FHIT: variants seen among roughly 807,000 people sequenced by gnomAD.
FHIT encodes the protein bis(5'-adenosyl)-triphosphatase.
Under a neutral mutation model 17.9 loss-of-function variants are expected in FHIT, and 19 were observed. That is an observed-to-expected ratio of 1.06 (90% confidence interval 0.74 to 1.56). FHIT has a LOEUF of 1.56. Ranked by LOEUF, FHIT falls within the 40% of genes most tolerant of loss-of-function variation. The pLI is 0.00. For synonymous variants in FHIT, 81 were observed against 69.7 expected, an observed-to-expected ratio of 1.16 and a Z score of -0.81; for missense variants, 248 against 189.2, an observed-to-expected ratio of 1.31 and a Z score of -1.82.
At chr3:61,181,256 C>T (rs115972963) in intron 2 of FHIT, among the ~76,000 whole-genome samples, 1 of 152,134 alleles carries the variant, frequency 6.6e-6, no homozygotes, top group African/African-American at 2.4e-5. Context: ...TTATATTTTT[C>T]CTGTCTCTTG....
chr3:60,770,536 T>C (rs1700009999), intron 4 of FHIT, among the ~76,000 whole-genome samples: 1 of 152,138 alleles, frequency 6.6e-6, no homozygotes, highest in Non-Finnish European at 1.5e-5. Context: ...ACAGGCTATG[T>C]GTGGACATTC....
intron 5 of FHIT, among the ~76,000 whole-genome samples, chr3:60,102,150 G>A (rs111432153): frequency 1.2e-3 from 188 of 152,308 alleles, no homozygotes; most frequent in Non-Finnish European, 2.4e-3. Flanking sequence ...CACAATAGGT[G>A]TTCAATAAGT....
At chr3:60,772,680 T>C (rs1179161146) in intron 4 of FHIT, among the ~76,000 whole-genome samples, 6 of 152,202 alleles carry the variant, frequency 3.9e-5, no homozygotes, top group Admixed American at 2.0e-4. Context: ...GCCTGGATGC[T>C]GCTAAGGTAC....
chr3:60,681,345 C>G (rs568642667), intron 4 of FHIT, among the ~76,000 whole-genome samples: 1 of 152,268 alleles, frequency 6.6e-6, no homozygotes, highest in East Asian at 1.9e-4. Flanking sequence ...TGTGTTCTGA[C>G]TGCTGCACTG....
intron 3 of FHIT, among the ~76,000 whole-genome samples, chr3:61,014,536 T>C (rs912735847): frequency 6.6e-6 from 1 of 151,528 alleles, no homozygotes; most frequent in Non-Finnish European, 1.5e-5. Context: ...TCCCAGCACT[T>C]TGGGAGGCCG....
In FHIT at chr3:60,859,771, C is replaced by T. The variant is rs183909023; in HGVS notation, c.-110-37760G>A. Among the ~76,000 whole-genome samples, 776 of 85,022 alleles carry T rather than the reference C, an allele frequency of 9.1e-3. 8 individuals carry two copies. The highest frequency in any genetic ancestry group is 0.03 in the Middle Eastern group (2 of 66). 55.8% of individuals were successfully genotyped at this position (85,022 alleles called of 152,430 possible). On this transcript the variant is annotated intron_variant, in intron 3 of 9. Transcript: ENST00000492590. ...TTTTTTTTTTTTTTTTTGCCGAGCA[C>T]GGTGGCTCATGCCTGTAATCCCAGC...
At position 60,090,701 on chromosome 3, in the gene FHIT, T is replaced by C. The variant is rs1480933972; in HGVS notation, c.104-76549A>G. Among the ~76,000 whole-genome samples the C allele has an allele frequency of 2.0e-5, 3 of 152,064 alleles. No individual in the cohort carries two copies. The East Asian group carries it at 5.8e-4, about 29-fold the overall frequency. Reference sequence around the variant, plus strand: ...TTGAATAGTTGAGAACTGACATGAGTGTCTTTGATGGGCTGCTTTGATGCT... The same window carrying C: ...TTGAATAGTTGAGAACTGACATGAGCGTCTTTGATGGGCTGCTTTGATGCT... On this transcript the variant is annotated intron_variant, in intron 5 of 9. Coordinates refer to ENST00000492590, the MANE Select transcript of FHIT (RefSeq NM_002012.4).
At chr3:59,774,570 A>T (rs1702218615) in intron 8 of FHIT, among the ~76,000 whole-genome samples, 1 of 152,238 alleles carries the variant, frequency 6.6e-6, no homozygotes, top group African/African-American at 2.4e-5. Flanking sequence ...TGCCTCATCC[A>T]TAGTAGGTTC....
intron 8 of FHIT, among the ~76,000 whole-genome samples, chr3:59,807,443 G>C (rs888413866): frequency 6.6e-6 from 1 of 152,180 alleles, no homozygotes; most frequent in African/African-American, 2.4e-5. Flanking sequence ...TTAGAAGTCT[G>C]AAAGTCAGAA....
intron 5 of FHIT, among the ~76,000 whole-genome samples, chr3:60,284,676 CATA>C (rs1707633593): frequency 1.3e-5 from 2 of 151,962 alleles, no homozygotes; most frequent in Non-Finnish European, 1.5e-5. Flanking sequence ...TTTTATGTAT[CATA>C]ATGTTTCTAA....
chr3:60,119,366 C>G (rs954649533), intron 5 of FHIT, among the ~76,000 whole-genome samples: 1 of 146,324 alleles, frequency 6.8e-6, no homozygotes, highest in Non-Finnish European at 1.5e-5. Flanking sequence ...AGCCATCATG[C>G]CCAGCCTATA....
rs1553675148 is a variant in FHIT at position 60,614,827 on chromosome 3, TTTTGTTTTTTTTTTG to T, written c.-17-77863_-17-77849del. Among the ~76,000 whole-genome samples, 364 of 85,628 alleles carry T rather than the reference TTTTGTTTTTTTTTTG, an allele frequency of 4.3e-3. 52 individuals carry two copies. The highest frequency in any genetic ancestry group is 9.4e-3 in the Non-Finnish European group (300 of 32,076). 56.2% of individuals were successfully genotyped at this position (85,628 alleles called of 152,430 possible). A position where few individuals can be genotyped will look rare whatever the true frequency, so the allele number is the denominator to read the frequency against. On this transcript the variant is annotated intron_variant, in intron 4 of 9. Transcript: ENST00000492590. Reference sequence around the variant, plus strand: ...AAAAGTTGTTTTTTTTTTGTTTTTTTTTTGTTTTTTTTTTGTTTTTTGAGATGGAGCCCTGCTCTG... The same window carrying T: ...AAAAGTTGTTTTTTTTTTGTTTTTTTTTTTTTGAGATGGAGCCCTGCTCTG...
chr3:60,375,939 C>T (rs989215271), intron 5 of FHIT, among the ~76,000 whole-genome samples: 3 of 152,004 alleles, frequency 2.0e-5, no homozygotes, highest in African/African-American at 4.8e-5. Flanking sequence ...TGGTAGTGTG[C>T]CTGAGGAAGT....
At chr3:60,706,453 T>A (rs1553703582) in intron 4 of FHIT, among the ~76,000 whole-genome samples, 1 of 152,138 alleles carries the variant, frequency 6.6e-6, no homozygotes, top group Non-Finnish European at 1.5e-5. Context: ...AATCATGATT[T>A]TAAAAAATAA....
At chr3:59,799,396 CGTTTG>C (rs1699905705) in intron 8 of FHIT, among the ~76,000 whole-genome samples, 1 of 142,698 alleles carries the variant, frequency 7.0e-6, no homozygotes, top group South Asian at 2.4e-4. Context: ...AGGGCACGGA[CGTTTG>C]GTTTCTCAAG....
At chr3:60,804,395 C>T (rs1438010530) in intron 4 of FHIT, among the ~76,000 whole-genome samples, 2 of 152,188 alleles carry the variant, frequency 1.3e-5, no homozygotes, top group African/African-American at 2.4e-5. Flanking sequence ...TTCAGATGCT[C>T]TCAGGCTTCC....
At chr3:59,972,521 G>T (rs752593442) in intron 7 of FHIT, among the ~76,000 whole-genome samples, 1 of 152,062 alleles carries the variant, frequency 6.6e-6, no homozygotes, top group African/African-American at 2.4e-5. Context: ...CTCTGAGGGT[G>T]CCTATTCTTC....
Position 60,110,062 on chromosome 3 carries a change from T to C in FHIT, c.104-95910A>G, listed in dbSNP as rs113042258. On this transcript the variant is annotated intron_variant, in intron 5 of 9. Coordinates refer to ENST00000492590, the MANE Select transcript of FHIT (RefSeq NM_002012.4). Reference sequence around the variant, plus strand: ...CTCAGTTAGGCCTAAATTAGCCCAATGTTATGGCTATAAAGGAAACAGGAA... The same window carrying C: ...CTCAGTTAGGCCTAAATTAGCCCAACGTTATGGCTATAAAGGAAACAGGAA... 3.9e-3 allele frequency among the ~76,000 whole-genome samples: 591 copies of C among 152,264 alleles called. 3 individuals carry two copies. The highest frequency in any genetic ancestry group is 0.013 in the African/African-American group (557 of 41,556).
intron 5 of FHIT, among the ~76,000 whole-genome samples, chr3:60,183,596 C>A (rs903391147): frequency 6.6e-6 from 1 of 152,078 alleles, no homozygotes; most frequent in African/African-American, 2.4e-5. Context: ...TTCAAAAAAT[C>A]ACACCACAGG....
Sources: gnomAD v4.1 joint callset for allele counts (sites outside exome capture counted in the v4.1 genomes callset) on GRCh38, gnomAD v4.1.1 for gene constraint, MANE v1.5 for transcripts, NCBI Gene and HGNC (gene_info 2026-07-23, HGNC 2026-07-21) for gene names.